The following ARMC1 variants were observed in gnomAD, a reference collection of about 807,000 sequenced individuals.
ARMC1 encodes the protein armadillo repeat containing 1.
ARMC1 carries 16 observed loss-of-function variants against 31.4 expected under a neutral mutation model. That is an observed-to-expected ratio of 0.51 (90% confidence interval 0.34 to 0.77). The LOEUF (loss-of-function observed/expected upper bound fraction) is 0.77, where lower values mean the gene tolerates loss of function less well. Among genes scored for constraint, ARMC1 ranks in the 30% least tolerant of loss-of-function variants. The pLI, the probability that ARMC1 is intolerant of heterozygous loss-of-function variation, is 0.01. For missense variants in ARMC1, 259 were observed against 347.5 expected (o/e 0.75, Z 2.02); for synonymous variants, 114 against 118.9 (o/e 0.96, Z 0.27).
intron 1 of ARMC1, among the ~76,000 whole-genome samples, chr8:65,631,883 TAAAAA>T (rs61273646): frequency 7.1e-6 from 1 of 140,058 alleles, no homozygotes; most frequent in Non-Finnish European, 1.5e-5. Flanking sequence ...CCCTGTCTCT[TAAAAA>T]AAAAAAAAAA....
chr8:65,624,918 C>T lies in ARMC1; in HGVS notation c.183+2298G>A, dbSNP rs376480583. 7.2e-5 allele frequency among the ~76,000 whole-genome samples: 11 copies of T among 152,060 alleles called. No homozygotes were observed. The East Asian group carries it at 7.7e-4, about 11-fold the overall frequency. ...GGCAGATCACCTGAGGTCATGAGTT[C>T]GAGACTAGCCTGGCCAACATGGTGA... On this transcript the variant is annotated intron_variant, in intron 2 of 6. Transcript: ENST00000276569.
In ARMC1 at chr8:65,613,379, A is replaced by C. The variant is rs771897592; in HGVS notation, c.330T>G (p.Leu110=). The C allele has an allele frequency of 8.7e-6, 14 of 1,609,824 alleles. No homozygotes were observed. The highest frequency in any genetic ancestry group is 1.1e-5 in the South Asian group (1 of 90,008). Reference sequence around the variant, plus strand: ...CACCATCTGCCATATTGGAGGACTGAAGAATGTCATAGATTTCAGAGGCCA... The same window carrying C: ...CACCATCTGCCATATTGGAGGACTGCAGAATGTCATAGATTTCAGAGGCCA... The part of the protein sequence containing the change: ...KLLASEIYDI[L]QSSNMADGDS... The change falls in exon 4 of 7, where the codon CTT becomes CTG. Residue 110 remains leucine (L), a synonymous_variant. Transcript: ENST00000276569.
rs1808533451 is a variant in ARMC1 at position 65,627,348 on chromosome 8, T to C, written c.51A>G (p.Val17=). Residue 17 remains valine (V), a synonymous_variant, in exon 2 of 7, where the codon GTA becomes GTG. Coordinates refer to ENST00000276569, the MANE Select transcript of ARMC1 (RefSeq NM_018120.6). Reference sequence around the variant, plus strand: ...CTGCTAGATCCCGTAACTGGTTAACTACCGATAGAGCGTCAGGCTCTTCAC... The same window carrying C: ...CTGCTAGATCCCGTAACTGGTTAACCACCGATAGAGCGTCAGGCTCTTCAC... The part of the protein sequence containing the change: ...TMSEEPDALS[V]VNQLRDLAAD... The C allele has an allele frequency of 4.3e-6, 7 of 1,612,478 alleles. No homozygotes were observed. The Middle Eastern group carries it at 4.9e-4, about 114-fold the overall frequency.
In ARMC1 at chr8:65,603,549, G is replaced by A. The variant is rs552805450; in HGVS notation, c.*845C>T. ...TACTACCATTATTTTTTTCTAGCCG[G>A]AGATAACGTATAATCACAAAGTAAG... On this transcript the variant is annotated 3_prime_UTR_variant, in exon 7 of 7. Coordinates refer to ENST00000276569, the MANE Select transcript of ARMC1 (RefSeq NM_018120.6). 6.6e-6 allele frequency: 1 copy of A among 152,122 alleles called. No individual in the cohort carries two copies. Among genetic ancestry groups the A allele is most frequent in the East Asian group, 1.9e-4 (1 of 5,180 alleles). 9.4% of individuals were successfully genotyped at this position (152,122 alleles called of 1,614,324 possible). A position where few individuals can be genotyped will look rare whatever the true frequency, so the allele number is the denominator to read the frequency against.
chr8:65,628,749 C>A (rs1194150279), intron 1 of ARMC1, among the ~76,000 whole-genome samples: 2 of 151,288 alleles, frequency 1.3e-5, no homozygotes, highest in African/African-American at 2.4e-5. Flanking sequence ...CCTAGCTACT[C>A]GGGAGGCTGA....
chr8:65,614,325 C>A (rs1808205838), intron 3 of ARMC1, among the ~76,000 whole-genome samples: 1 of 152,156 alleles, frequency 6.6e-6, no homozygotes. Context: ...ACTGTGCTGT[C>A]CAATAATCTT....
intron 3 of ARMC1, among the ~76,000 whole-genome samples, 162 bp from the exon 4 acceptor site, chr8:65,613,595 CT>C (rs1808189876): frequency 6.6e-6 from 1 of 152,180 alleles, no homozygotes. Context: ...GAAAAAGCAT[CT>C]TGTCTATAAT....
chr8:65,605,364 T>C lies in ARMC1; in HGVS notation c.583-27A>G, dbSNP rs373606303. The C allele has an allele frequency of 3.1e-5, 50 of 1,613,204 alleles. No individual in the cohort carries two copies. In the African/African-American group the frequency reaches 6.0e-4, roughly 19 times the overall value. On this transcript the variant is annotated intron_variant, in intron 5 of 6. Coordinates refer to ENST00000276569, the MANE Select transcript of ARMC1 (RefSeq NM_018120.6). ...TAAGCCAAGATAAAAAGGAACAATT[T>C]TGAAATTGATTTGTTTACCTGTAAT...
At chr8:65,618,427 C>G (rs1390039174) in intron 3 of ARMC1, among the ~76,000 whole-genome samples, 2 of 147,862 alleles carry the variant, frequency 1.4e-5, no homozygotes, top group African/African-American at 5.0e-5. Flanking sequence ...GAGGCCGAGG[C>G]AGGAGAATGG....
chr8:65,610,512 T>C (rs1010076685), intron 4 of ARMC1, among the ~76,000 whole-genome samples: 14 of 152,044 alleles, frequency 9.2e-5, no homozygotes, highest in South Asian at 6.2e-4. Flanking sequence ...CTGGCCAACA[T>C]GGCGAAACCC....
intron 3 of ARMC1, among the ~76,000 whole-genome samples, chr8:65,617,618 A>T (rs983502149): frequency 7.7e-6 from 1 of 130,444 alleles, no homozygotes; most frequent in African/African-American, 4.0e-5. Flanking sequence ...ATGATCAATT[A>T]AAAAAAAAAA....
chr8:65,605,385 G>C, intron 5 of ARMC1, 37 bp downstream of exon 5: 2 of 1,612,288 alleles, frequency 1.2e-6, no homozygotes, highest in Non-Finnish European at 1.7e-6. Context: ...TTGTTTACCT[G>C]TAATCTCAAG....
At chr8:65,605,963 G>A (rs926497513) in intron 4 of ARMC1, among the ~76,000 whole-genome samples, 2 of 152,158 alleles carry the variant, frequency 1.3e-5, no homozygotes, top group Non-Finnish European at 2.9e-5. Flanking sequence ...ACACCCACTT[G>A]TTAACATATT....
intron 3 of ARMC1, among the ~76,000 whole-genome samples, chr8:65,616,884 C>A (rs1014240976): frequency 1.3e-5 from 2 of 149,366 alleles, no homozygotes; most frequent in African/African-American, 5.0e-5. Context: ...AAGTGAGGAG[C>A]CCCTCCGCCC....
chr8:65,633,409 T>A (rs1808694656), intron 1 of ARMC1, among the ~76,000 whole-genome samples: 1 of 152,196 alleles, frequency 6.6e-6, no homozygotes, highest in South Asian at 2.1e-4. Flanking sequence ...CAGATTAAAG[T>A]AAGAACGCGA....
At chr8:65,624,021 C>T (rs1188476566) in intron 2 of ARMC1, among the ~76,000 whole-genome samples, 2 of 149,616 alleles carry the variant, frequency 1.3e-5, no homozygotes, top group African/African-American at 4.9e-5. Context: ...TGGTCTTGAA[C>T]TCCTGACCTC....
chr8:65,604,601 T>G lies in ARMC1; in HGVS notation c.658-16A>C. On this transcript the variant is annotated splice_polypyrimidine_tract_variant and intron_variant, in intron 6 of 6. Coordinates refer to ENST00000276569, the MANE Select transcript of ARMC1 (RefSeq NM_018120.6). ...GGACCAACATCTGATACAGAAAATATTGAGAGTTATTACAAAATCAACTTT... is the reference window on the plus strand; with the variant it reads ...GGACCAACATCTGATACAGAAAATAGTGAGAGTTATTACAAAATCAACTTT... 6.2e-7 allele frequency: 1 copy of G among 1,606,476 alleles called. No homozygotes were observed. The highest frequency in any genetic ancestry group is 8.5e-7 in the Non-Finnish European group (1 of 1,175,278).
intron 2 of ARMC1, among the ~76,000 whole-genome samples, chr8:65,624,192 A>T (rs1808462753): frequency 6.6e-6 from 1 of 152,098 alleles, no homozygotes; most frequent in African/African-American, 2.4e-5. Flanking sequence ...TGTAAAAATG[A>T]AGGTAAATAT....
intron 3 of ARMC1, among the ~76,000 whole-genome samples, chr8:65,618,521 CAAA>C (rs34079304): frequency 3.0e-5 from 3 of 98,698 alleles, no homozygotes; most frequent in Admixed American, 1.1e-4. Context: ...GACTCAGTCT[CAAA>C]AAAAAAAAAA....
Sources: gnomAD v4.1 joint callset for allele counts (sites outside exome capture counted in the v4.1 genomes callset) on GRCh38, gnomAD v4.1.1 for gene constraint, MANE v1.5 for transcripts, NCBI Gene and HGNC (gene_info 2026-07-23, HGNC 2026-07-21) for gene names.